Variants in LLGL2 observed in about 807,000 individuals in gnomAD.
LLGL2 encodes LLGL2, scribble cell polarity complex component.
LLGL2 carries 81 observed loss-of-function variants against 123.2 expected under a neutral mutation model. The ratio of observed to expected loss-of-function variants is 0.66; its 90% CI spans 0.55 to 0.79. LLGL2 has a LOEUF of 0.79. Among genes scored for constraint, LLGL2 ranks in the 30% least tolerant of loss-of-function variants. The pLI is 0.00. For synonymous variants in LLGL2, 577 were observed against 594.1 expected (o/e 0.97, Z 0.42); for missense variants, 1,273 against 1,414.6 (o/e 0.90, Z 1.61).
intron 2 of LLGL2, among the ~76,000 whole-genome samples, chr17:75,547,084 G>C (rs188135634): frequency 6.6e-6 from 1 of 152,348 alleles, no homozygotes; most frequent in Admixed American, 6.5e-5. Flanking sequence ...TTCTGAACCA[G>C]TTCTGGCCTT....
At chr17:75,556,350 T>C (rs952102784) in intron 3 of LLGL2, among the ~76,000 whole-genome samples, 4 of 152,160 alleles carry the variant, frequency 2.6e-5, no homozygotes, top group Non-Finnish European at 5.9e-5. Flanking sequence ...GCATCCCTGG[T>C]GGGATGCGAC....
intron 10 of LLGL2, among the ~76,000 whole-genome samples, chr17:75,567,311 A>T (rs1474001157): frequency 6.6e-6 from 1 of 152,172 alleles, no homozygotes; most frequent in Non-Finnish European, 1.5e-5. Flanking sequence ...TAAAAATAAA[A>T]AATTAGCCAG....
intron 1 of LLGL2, among the ~76,000 whole-genome samples, chr17:75,536,055 G>A (rs971715549): frequency 5.3e-5 from 8 of 152,234 alleles, no homozygotes; most frequent in African/African-American, 9.6e-5. Context: ...AAACCCTGGC[G>A]CCCGCCAAAA....
chr17:75,574,721 A>T, intron 25 of LLGL2, 53 bp downstream of exon 25: 2 of 1,600,386 alleles, frequency 1.2e-6, no homozygotes, highest in Middle Eastern at 1.7e-4. Context: ...AAGGGCTGGG[A>T]GGAAGAGCCC....
intron 2 of LLGL2, among the ~76,000 whole-genome samples, chr17:75,548,386 TC>T (rs1231882147): frequency 8.6e-5 from 13 of 151,418 alleles, no homozygotes; most frequent in African/African-American, 3.2e-4. Context: ...CAAGGGATTC[TC>T]CAGCCTCAGC....
At position 75,568,608 on chromosome 17, in the gene LLGL2, C is replaced by T; in HGVS notation, c.1169C>T (p.Ser390Phe). The T allele has an allele frequency of 6.2e-7, 1 of 1,613,970 alleles. No homozygotes were observed. Among genetic ancestry groups the T allele is most frequent in the Middle Eastern group, 1.6e-4 (1 of 6,062 alleles). The change falls in exon 11 of 26, where the codon TCT becomes TTT. Residue 390 changes from serine to phenylalanine, a missense_variant. Physicochemically the swap from Ser to Phe is radical, Grantham distance 155 (BLOSUM62 -2). Coordinates refer to ENST00000392550, the MANE Select transcript of LLGL2 (RefSeq NM_001031803.2). ...ASLHCSAITC[S>F]HHVSNIPLKL... ...CTGCACTGTTCCGCCATCACCTGCT[C>T]TCACCACGTCTCCAACATCCCGCTG...
rs916317078 is a variant in LLGL2 at position 75,549,410 on chromosome 17, G to A, written c.75+5909G>A. Among the ~76,000 whole-genome samples, 4 of 152,188 alleles carry A rather than the reference G, an allele frequency of 2.6e-5. No individual in the cohort carries two copies. The highest frequency in any genetic ancestry group is 9.7e-5 in the African/African-American group (4 of 41,440). Reference sequence around the variant, plus strand: ...GCAAACAGGCTGCTGTGCTTGCCCGGCTGCCGCAGAAGCACCTGCCTGGGC... The same window carrying A: ...GCAAACAGGCTGCTGTGCTTGCCCGACTGCCGCAGAAGCACCTGCCTGGGC... On this transcript the variant is annotated intron_variant, in intron 2 of 25. Coordinates refer to ENST00000392550, the MANE Select transcript of LLGL2 (RefSeq NM_001031803.2). This position sits in a 1 kb window ranked among gnomAD's most constrained non-coding sequence, Gnocchi z 4.0.
intron 2 of LLGL2, among the ~76,000 whole-genome samples, chr17:75,554,041 C>T (rs1425126003): frequency 6.6e-6 from 1 of 152,172 alleles, no homozygotes; most frequent in African/African-American, 2.4e-5. Flanking sequence ...ATGGCTCACA[C>T]CTGTAATCCC....
chr17:75,564,445 C>T lies in LLGL2; in HGVS notation c.974C>T (p.Ala325Val). Residue 325 changes from alanine to valine, a missense_variant, in exon 10 of 26, where the codon GCC (alanine) becomes GTC (valine). Transcript: ENST00000392550. The surrounding 1 kb of genome is among the most constrained non-coding windows in gnomAD (Gnocchi z 4.9). ...GTGATCCACGATGGCCAGCAGACGG[C>T]CTTCGACTTCACCTCCCGTGTCATC... is the stretch of plus-strand genomic sequence containing the variant. ...ISVIHDGQQT[A>V]FDFTSRVIGF... is the part of the protein sequence containing the mutation. 6.2e-7 allele frequency: 1 copy of T among 1,613,542 alleles called. No homozygotes were observed. The highest frequency in any genetic ancestry group is 1.1e-5 in the South Asian group (1 of 91,090).
chr17:75,539,013 C>T lies in LLGL2; in HGVS notation c.-30-4384C>T, dbSNP rs2054110048. Among the ~76,000 whole-genome samples the T allele has an allele frequency of 2.0e-5, 3 of 152,130 alleles. No homozygotes were observed. In the South Asian group the frequency reaches 6.2e-4, roughly 32 times the overall value. The stretch of plus-strand genomic sequence containing the variant: ...GCTCCACTGATCTTCCCGCCTCAGC[C>T]TCCCAAGTAGCTGGGACCACAGGTG... On this transcript the variant is annotated intron_variant, in intron 1 of 25. Transcript: ENST00000392550.
In LLGL2 at chr17:75,537,067, C is replaced by G. The variant is rs750662990; in HGVS notation, c.-30-6330C>G. Among the ~76,000 whole-genome samples, 5 of 152,274 alleles carry G rather than the reference C, an allele frequency of 3.3e-5. No individual in the cohort carries two copies. In the Middle Eastern group the frequency reaches 0.017, roughly 518 times the overall value. The stretch of plus-strand genomic sequence containing the variant: ...CAAACTCCTGACCTCAAGTGATCCA[C>G]CCGCCTCGGCCTCCCAAAGTGTTGG... On this transcript the variant is annotated intron_variant, in intron 1 of 25. Coordinates refer to ENST00000392550, the MANE Select transcript of LLGL2 (RefSeq NM_001031803.2).
chr17:75,564,627 C>T lies in LLGL2; in HGVS notation c.1036+120C>T. Reference sequence around the variant, plus strand: ...CCTGTAACCCCAGTGCTGTGGGAGGCCAAGGTGGTAGGATCGCTTGAACCC... The same window carrying T: ...CCTGTAACCCCAGTGCTGTGGGAGGTCAAGGTGGTAGGATCGCTTGAACCC... On this transcript the variant is annotated intron_variant, in intron 10 of 25. Transcript: ENST00000392550. This position sits in a 1 kb window ranked among gnomAD's most constrained non-coding sequence, Gnocchi z 4.9. The T allele has an allele frequency of 6.7e-7, 1 of 1,501,586 alleles. No individual in the cohort carries two copies. The highest frequency in any genetic ancestry group is 9.0e-7 in the Non-Finnish European group (1 of 1,111,956). 93.0% of individuals were successfully genotyped at this position (1,501,586 alleles called of 1,614,324 possible). A position where few individuals can be genotyped will look rare whatever the true frequency, so the allele number is the denominator to read the frequency against.
At chr17:75,547,974 G>T (rs1441832429) in intron 2 of LLGL2, among the ~76,000 whole-genome samples, 1 of 152,188 alleles carries the variant, frequency 6.6e-6, no homozygotes, top group African/African-American at 2.4e-5. Context: ...TCCTGATACA[G>T]ATATGGATTG....
intron 1 of LLGL2, among the ~76,000 whole-genome samples, chr17:75,536,092 G>A (rs752342168): frequency 1.3e-5 from 2 of 152,244 alleles, no homozygotes; most frequent in Admixed American, 6.5e-5. Context: ...AGAACAGGGA[G>A]GGTGGCTCAG....
chr17:75,571,970 T>C lies in LLGL2; in HGVS notation c.2366T>C (p.Leu789Pro). The change falls in exon 19 of 26, where the codon CTT (leucine) becomes CCT (proline). Residue 789 changes from leucine (L) to proline (P), a missense_variant. Transcript: ENST00000392550. ...GTGCTCGACGGACACAGCGTACCCC[T>C]TCCCGAGCCCCTCGAAGTGGCCCAT... ...ILVLDGHSVP[L>P]PEPLEVAHDL... 1 of 1,612,916 alleles carries C rather than the reference T, an allele frequency of 6.2e-7. No individual in the cohort carries two copies.
At chr17:75,571,430 C>G (rs2055701909) in intron 17 of LLGL2, 3 of 588,286 alleles carry the variant, frequency 5.1e-6, no homozygotes, top group South Asian at 4.2e-5. Flanking sequence ...CGATCGGGGA[C>G]AGCAGAGCCT....
chr17:75,562,057 G>T (rs1006472296), intron 6 of LLGL2, among the ~76,000 whole-genome samples: 1 of 152,214 alleles, frequency 6.6e-6, no homozygotes, highest in Non-Finnish European at 1.5e-5. Flanking sequence ...TGGGTTTAGT[G>T]TGGCTTGGGT....
chr17:75,546,848 AGACAGGCGGAGGGCAGGTCCAGCG>A (rs1197538048), intron 2 of LLGL2, among the ~76,000 whole-genome samples: 13 of 148,918 alleles, frequency 8.7e-5, no homozygotes, highest in African/African-American at 2.7e-4. Context: ...CAGGTCCAGC[AGACAGGCGGAGGGCAGGTCCAGCG>A]GACGGTGGGA....
rs569618479 is a variant in LLGL2, at chr17:75,563,033, G to A, written c.548G>A (p.Arg183His). ...AVLQRLPEEA[R>H]HRRVFEMVEA... is the part of the protein sequence containing the mutation. ...TCGCCCAGGTTGCCAGAGGAGGCCCGCCACCGGCGTGTGTTCGAGATGGTG... is the reference window on the plus strand; with the variant it reads ...TCGCCCAGGTTGCCAGAGGAGGCCCACCACCGGCGTGTGTTCGAGATGGTG... The change falls in exon 7 of 26, where the codon CGC (arginine) becomes CAC (histidine). Residue 183 changes from arginine to histidine, a missense_variant. Physicochemically the swap from Arg to His is conservative, Grantham distance 29 (BLOSUM62 0). Coordinates refer to ENST00000392550, the MANE Select transcript of LLGL2 (RefSeq NM_001031803.2). 2.7e-5 allele frequency: 43 copies of A among 1,612,332 alleles called. No homozygotes were observed. The highest frequency in any genetic ancestry group is 1.8e-4 in the South Asian group (16 of 91,088).
Sources: gnomAD v4.1 joint callset for allele counts (sites outside exome capture counted in the v4.1 genomes callset) on GRCh38, gnomAD v4.1.1 for gene constraint, Gnocchi (gnomAD v3.1) non-coding constraint, MANE v1.5 for transcripts, NCBI Gene and HGNC (gene_info 2026-07-23, HGNC 2026-07-21) for gene names.